The following USP48 variants were observed in gnomAD, a reference collection of about 807,000 sequenced individuals.
USP48 encodes the protein ubiquitin specific peptidase 48.
In USP48, 43 loss-of-function variants were observed where a neutral mutation model predicts 150.7. The observed-to-expected ratio is 0.29, with a 90% CI of 0.22 to 0.37. USP48 has a LOEUF of 0.37. USP48 is among the 10% of genes least tolerant of loss of function. The pLI, the probability that USP48 is intolerant of heterozygous loss-of-function variation, is 1.00. For missense variants in USP48, 813 were observed against 1,249.6 expected (o/e 0.65, Z 5.27); for synonymous variants, 396 against 425.9 (o/e 0.93, Z 0.86).
At chr1:21,696,352 T>A (rs957503754) in intron 22 of USP48, among the ~76,000 whole-genome samples, 11 of 152,206 alleles carry the variant, frequency 7.2e-5, no homozygotes, top group Non-Finnish European at 1.3e-4. Flanking sequence ...GCAGGAGAAC[T>A]GCTTGAACCT....
intron 23 of USP48, among the ~76,000 whole-genome samples, chr1:21,694,587 A>AACAAAAAAAAAAAAAAAC (rs1557428879): frequency 2.4e-5 from 3 of 127,170 alleles, no homozygotes; most frequent in African/African-American, 8.3e-5. Context: ...AAAAAAAAAA[A>AACAAAAAAAAAAAAAAAC]AAAAAAAAAA....
chr1:21,685,794 G>A (rs970410384), intron 25 of USP48: 1 of 152,094 alleles, frequency 6.6e-6, no homozygotes, highest in Non-Finnish European at 1.5e-5. Context: ...AGAGTGTTTT[G>A]GTGGCGTCTT....
intron 7 of USP48, among the ~76,000 whole-genome samples, chr1:21,747,895 TA>T (rs1348194644): frequency 4.6e-5 from 7 of 152,324 alleles, no homozygotes; most frequent in African/African-American, 1.7e-4. Flanking sequence ...AATACTTTCT[TA>T]GAATAAAAAA....
chr1:21,720,942 A>T, intron 14 of USP48, 94 bp downstream of exon 14: 1 of 1,514,258 alleles, frequency 6.6e-7, no homozygotes, highest in South Asian at 1.3e-5. Context: ...CCTCCCAAGT[A>T]GCTGGGACTA....
intron 1 of USP48, among the ~76,000 whole-genome samples, chr1:21,762,510 T>C (rs574882372): frequency 2.5e-4 from 38 of 152,288 alleles, no homozygotes; most frequent in Non-Finnish European, 4.1e-4. Context: ...AACTCTGCTT[T>C]TCAAAGGTGT....
chr1:21,705,620 A>C, intron 19 of USP48, 107 bp downstream of exon 19: 1 of 824,346 alleles, frequency 1.2e-6, no homozygotes, highest in Non-Finnish European at 1.8e-6. Flanking sequence ...CAAAGGACTA[A>C]ATTCTTAAAA....
chr1:21,703,638 AG>A lies in USP48; in HGVS notation c.2516-21del. ...AGAGTTCTTTGGGGGAAAAAAAAAA[AG>A]GGAAAACAGAAGTGGCTGAGGAATC... On this transcript the variant is annotated intron_variant, in intron 20 of 26. Transcript: ENST00000308271. 2 of 1,489,544 alleles carry A rather than the reference AG, an allele frequency of 1.3e-6. No individual in the cohort carries two copies. The allele number at this position is 1,489,544 out of a possible 1,614,324, so 92.3% of individuals were successfully genotyped here. A position where few individuals can be genotyped will look rare whatever the true frequency, so the allele number is the denominator to read the frequency against.
At chr1:21,736,345 G>A (rs1242219980) in intron 9 of USP48, 101 bp downstream of exon 9, 1 of 1,182,990 alleles carries the variant, frequency 8.5e-7, no homozygotes, top group African/African-American at 1.6e-5. Context: ...ATCCTTGATA[G>A]TCTGTAACAT....
chr1:21,706,210 C>T (rs1287740430), intron 17 of USP48, 23 bp from the exon 18 acceptor site: 1 of 1,610,460 alleles, frequency 6.2e-7, no homozygotes, highest in Admixed American at 1.7e-5. Flanking sequence ...AATCACAAAA[C>T]AGTATCCGTC....
At chr1:21,714,449 G>C (rs1018014791) in intron 15 of USP48, among the ~76,000 whole-genome samples, 3 of 152,078 alleles carry the variant, frequency 2.0e-5, no homozygotes, top group Non-Finnish European at 4.4e-5. Context: ...TTTTTTTAGA[G>C]ACAGGGTCTT....
At chr1:21,734,672 A>G (rs2097764737) in intron 9 of USP48, among the ~76,000 whole-genome samples, 1 of 152,204 alleles carries the variant, frequency 6.6e-6, no homozygotes, top group Non-Finnish European at 1.5e-5. Context: ...AAAGCTGTTT[A>G]GCACTTTCTT....
intron 11 of USP48, chr1:21,726,425 A>G (rs2097737335): frequency 6.6e-6 from 1 of 152,378 alleles, no homozygotes; most frequent in Non-Finnish European, 1.5e-5. Flanking sequence ...GTACGGTTTT[A>G]TAGTAAGAGG....
rs144254527 is a variant in USP48, at chr1:21,775,347, C to T, written c.134+7477G>A. Among the ~76,000 whole-genome samples the T allele has an allele frequency of 7.9e-3, 1,200 of 152,286 alleles. 17 individuals carry two copies. Among genetic ancestry groups the T allele is most frequent in the African/African-American group, 0.027 (1,128 of 41,562 alleles). On this transcript the variant is annotated intron_variant, in intron 1 of 26. Coordinates refer to ENST00000308271, the MANE Select transcript of USP48 (RefSeq NM_032236.8). ...CTCAATCTTGGCTCACTGCAACCTA[C>T]ACCTCCTGGGTTCAAGCAATTCTCG...
rs757075449 is a variant in USP48, at chr1:21,721,716, C to T, written c.1697G>A (p.Arg566His). 2.0e-5 allele frequency: 32 copies of T among 1,608,538 alleles called. No homozygotes were observed. Among genetic ancestry groups the T allele is most frequent in the African/African-American group, 2.7e-5 (2 of 74,820 alleles). The change falls in exon 13 of 27, where the codon CGT becomes CAT. Residue 566 changes from arginine (R) to histidine (H), a missense_variant. By Grantham distance (29) the Arg-to-His change is conservative. Transcript: ENST00000308271. ...ATCTTCATTTAGTTGGTTCTTCAGA[C>T]GCAATATGCGACAACGTTCTACTAC... is the stretch of plus-strand genomic sequence containing the variant. Reference protein sequence around the residue: ...ECVVERCRILRLKNQLNEDYK... With the variant: ...ECVVERCRILHLKNQLNEDYK...
chr1:21,744,074 C>G (rs1347545381), intron 8 of USP48, among the ~76,000 whole-genome samples: 1 of 152,150 alleles, frequency 6.6e-6, no homozygotes, highest in Admixed American at 6.5e-5. Flanking sequence ...TACCAATAGA[C>G]AGCATTAAAA....
chr1:21,715,505 T>TA (rs34378295), intron 14 of USP48, 48 bp from the exon 15 acceptor site: 7 of 1,319,514 alleles, frequency 5.3e-6, no homozygotes, highest in Admixed American at 3.9e-5. Context: ...ATTGTGTACT[T>TA]AAAGTTGAAA....
At chr1:21,715,329 T>G in intron 15 of USP48, 60 bp downstream of exon 15, 1 of 1,348,542 alleles carries the variant, frequency 7.4e-7, no homozygotes, top group Admixed American at 2.1e-5. Flanking sequence ...AGCCAGGCAG[T>G]AGAAGCTAAA....
intron 14 of USP48, among the ~76,000 whole-genome samples, chr1:21,719,615 G>A (rs1328274736): frequency 6.6e-6 from 1 of 152,130 alleles, no homozygotes; most frequent in African/African-American, 2.4e-5. Flanking sequence ...AACTGGTCAG[G>A]CACGGTGGCT....
In USP48 at chr1:21,704,382, T is replaced by C; in HGVS notation, c.2395A>G (p.Ile799Val). The change falls in exon 20 of 27, where the codon ATA (isoleucine) becomes GTA (valine). Residue 799 changes from isoleucine (I) to valine (V), a missense_variant. Physicochemically the swap from Ile to Val is conservative, Grantham distance 29. Coordinates refer to ENST00000308271, the MANE Select transcript of USP48 (RefSeq NM_032236.8). ...ATCATTTGCCACTCACTGGGCCATA[T>C]GAGAGCTATACTGTGCAAAAAAAAA... is the stretch of plus-strand genomic sequence containing the variant. ...TKEDSKLIAL[I>V]WPSEWQMIQK... 1 of 1,612,938 alleles carries C rather than the reference T, an allele frequency of 6.2e-7. No individual in the cohort carries two copies. Among genetic ancestry groups the C allele is most frequent in the Non-Finnish European group, 8.5e-7 (1 of 1,179,708 alleles).
Sources: gnomAD v4.1 joint callset for allele counts (sites outside exome capture counted in the v4.1 genomes callset) on GRCh38, gnomAD v4.1.1 for gene constraint, MANE v1.5 for transcripts, NCBI Gene and HGNC (gene_info 2026-07-23, HGNC 2026-07-21) for gene names.